CRADD: variants seen among roughly 807,000 people sequenced by gnomAD.
The protein encoded by CRADD is death domain-containing protein CRADD.
A neutral mutation model predicts 15.5 loss-of-function variants in CRADD; 9 were observed. That is an observed-to-expected ratio of 0.58 (90% CI 0.35 to 1.01). The LOEUF (loss-of-function observed/expected upper bound fraction) is 1.01. CRADD is among the 50% of genes least tolerant of loss of function. The pLI, the probability that CRADD is intolerant of heterozygous loss-of-function variation, is 0.02. For missense variants in CRADD, 227 were observed against 250.3 expected (o/e 0.91, Z 0.63); for synonymous variants, 118 against 107.6 (o/e 1.10, Z -0.60).
At chr12:93,738,953 T>C (rs547344309) in intron 2 of CRADD, among the ~76,000 whole-genome samples, 1 of 152,244 alleles carries the variant, frequency 6.6e-6, no homozygotes, top group Non-Finnish European at 1.5e-5. Flanking sequence ...AGGTTACTAA[T>C]GGTTTCTTTC....
intron 2 of CRADD, among the ~76,000 whole-genome samples, chr12:93,723,271 T>C (rs186869468): frequency 6.6e-6 from 1 of 152,232 alleles, no homozygotes; most frequent in Non-Finnish European, 1.5e-5. Context: ...TCAGGAGTCA[T>C]GTAGCCAGAG....
chr12:93,865,090 A>G (rs1023433087), intron 2 of CRADD, among the ~76,000 whole-genome samples: 1 of 152,194 alleles, frequency 6.6e-6, no homozygotes, highest in Non-Finnish European at 1.5e-5. Flanking sequence ...CAACACTCAC[A>G]TCCTTGGTGC....
At chr12:93,742,105 G>T (rs1368982304) in intron 2 of CRADD, among the ~76,000 whole-genome samples, 1 of 152,288 alleles carries the variant, frequency 6.6e-6, no homozygotes, top group South Asian at 2.1e-4. Context: ...TTTAAAAGAT[G>T]TCAAACTCTC....
intron 2 of CRADD, among the ~76,000 whole-genome samples, chr12:93,721,921 TC>T (rs1429202347): frequency 6.6e-6 from 1 of 152,226 alleles, no homozygotes; most frequent in Non-Finnish European, 1.5e-5. Flanking sequence ...CTCCACTTAC[TC>T]CTTCTTGATG....
chr12:93,867,405 T>TATA lies in CRADD; in HGVS notation c.299-26645_299-26644insATA, dbSNP rs1207739624. Among the ~76,000 whole-genome samples the TATA allele has an allele frequency of 5.0e-4, 51 of 102,056 alleles. 7 individuals carry two copies. Among genetic ancestry groups the TATA allele is most frequent in the South Asian group, 3.6e-3 (11 of 3,034 alleles). The allele number at this position is 102,056 out of a possible 152,430, so 67.0% of individuals were successfully genotyped here. A position where few individuals can be genotyped will look rare whatever the true frequency, so the allele number is the denominator to read the frequency against. ...GTATTTGACATATATATATATATATTTTTTAAACTTGGAAGTCCAAGATCA... is the reference window on the plus strand; with the variant it reads ...GTATTTGACATATATATATATATATTATATTTTAAACTTGGAAGTCCAAGATCA... On this transcript the variant is annotated intron_variant, in intron 2 of 2. Coordinates refer to the CRADD transcript ENST00000548483.
chr12:93,816,183 AT>A (rs1261193020), intron 2 of CRADD: 1 of 152,226 alleles, frequency 6.6e-6, no homozygotes. Flanking sequence ...ATAGATTATT[AT>A]TTTTTAAAGG....
At chr12:93,754,748 C>G (rs1194429268) in intron 2 of CRADD, among the ~76,000 whole-genome samples, 1 of 152,156 alleles carries the variant, frequency 6.6e-6, no homozygotes, top group East Asian at 1.9e-4. Context: ...CTAGAAAGTT[C>G]CAAACTTTCT....
chr12:93,806,296 C>CA (rs1282712860), intron 2 of CRADD, among the ~76,000 whole-genome samples: 1 of 151,406 alleles, frequency 6.6e-6, no homozygotes, highest in Non-Finnish European at 1.5e-5. Context: ...ACTAAAAATA[C>CA]AAAAAATTAG....
intron 2 of CRADD, among the ~76,000 whole-genome samples, chr12:93,778,050 ACAGT>A (rs1957158884): frequency 6.6e-6 from 1 of 152,216 alleles, no homozygotes; most frequent in Non-Finnish European, 1.5e-5. Flanking sequence ...GAAGCCCAAG[ACAGT>A]CCATGTGTGG....
chr12:93,868,131 T>A (rs550072030), intron 2 of CRADD, among the ~76,000 whole-genome samples: 16 of 152,302 alleles, frequency 1.1e-4, no homozygotes, highest in African/African-American at 2.9e-4. Context: ...GTGGATTTAG[T>A]TTGACTCAAC....
At chr12:93,688,961 C>G (rs1955500493) in intron 2 of CRADD, among the ~76,000 whole-genome samples, 1 of 152,120 alleles carries the variant, frequency 6.6e-6, no homozygotes, top group African/African-American at 2.4e-5. Context: ...AAGGCTGATT[C>G]CTGGTTGGTA....
chr12:93,742,730 G>C (rs979060980), intron 2 of CRADD, among the ~76,000 whole-genome samples: 1 of 152,158 alleles, frequency 6.6e-6, no homozygotes, highest in Non-Finnish European at 1.5e-5. Flanking sequence ...CCTTCCGACT[G>C]CCCGCCTCCC....
At chr12:93,820,835 C>T (rs1957761875) in intron 2 of CRADD, among the ~76,000 whole-genome samples, 1 of 152,204 alleles carries the variant, frequency 6.6e-6, no homozygotes, top group Non-Finnish European at 1.5e-5. Flanking sequence ...CCCTGAGCTC[C>T]AGATCAAATC....
chr12:93,780,912 ATT>A (rs58068881), intron 2 of CRADD, among the ~76,000 whole-genome samples: 23 of 139,300 alleles, frequency 1.7e-4, no homozygotes, highest in African/African-American at 3.7e-4. Flanking sequence ...ATGCCCAGCT[ATT>A]TTTTTTTTTT....
chr12:93,805,209 CTT>C (rs1957523198), intron 2 of CRADD, among the ~76,000 whole-genome samples: 1 of 151,942 alleles, frequency 6.6e-6, no homozygotes, highest in African/African-American at 2.4e-5. Context: ...GTTTCTCTCT[CTT>C]ACTCTACATG....
intron 2 of CRADD, among the ~76,000 whole-genome samples, chr12:93,795,453 G>T (rs1311799202): frequency 1.3e-5 from 2 of 152,048 alleles, no homozygotes; most frequent in African/African-American, 4.8e-5. Flanking sequence ...ATCCGGAGGG[G>T]TCTTGTCCAG....
At chr12:93,696,960 T>A (rs562290410) in intron 2 of CRADD, among the ~76,000 whole-genome samples, 1 of 152,196 alleles carries the variant, frequency 6.6e-6, no homozygotes. Context: ...GATTTTGGTA[T>A]CTTGGGTGGT....
At chr12:93,759,237 G>A (rs1956923208) in intron 2 of CRADD, among the ~76,000 whole-genome samples, 1 of 152,134 alleles carries the variant, frequency 6.6e-6, no homozygotes, top group African/African-American at 2.4e-5. Context: ...TTGCCTTGGA[G>A]GTAGCGATGG....
chr12:93,892,891 C>T (rs753227814), intron 2 of CRADD, among the ~76,000 whole-genome samples: 3 of 152,086 alleles, frequency 2.0e-5, no homozygotes, highest in Non-Finnish European at 4.4e-5. Flanking sequence ...TTATGGAAAA[C>T]GAAGCTGTTT....
Sources: allele counts gnomAD v4.1 joint callset (sites outside exome capture counted in the v4.1 genomes callset), GRCh38; gene constraint gnomAD v4.1.1; transcripts MANE v1.5; gene names NCBI Gene and HGNC (gene_info 2026-07-23, HGNC 2026-07-21).